The following TEX36 variants were observed in gnomAD, a reference collection of about 807,000 sequenced individuals.
The protein encoded by TEX36 is testis expressed 36.
Under a neutral mutation model 13.6 loss-of-function variants are expected in TEX36, and 12 were observed. The observed-to-expected ratio is 0.88, with a 90% CI of 0.56 to 1.43. TEX36 has a LOEUF of 1.43. Ranked by LOEUF, TEX36 falls within the 40% of genes most tolerant of loss-of-function variation. The pLI is 0.00. For missense variants in TEX36, 224 were observed against 228.3 expected, an observed-to-expected ratio of 0.98 and a Z score of 0.12; for synonymous variants, 93 against 83.0, an observed-to-expected ratio of 1.12 and a Z score of -0.65.
chr10:125,679,141 C>A (rs148243933), intron 1 of TEX36, among the ~76,000 whole-genome samples: 2 of 137,660 alleles, frequency 1.5e-5, no homozygotes, highest in South Asian at 2.4e-4. Flanking sequence ...CAGGAGCACC[C>A]CCCCCGCCCC....
At chr10:125,647,443 A>G (rs1846787651) in intron 3 of TEX36, among the ~76,000 whole-genome samples, 1 of 152,230 alleles carries the variant, frequency 6.6e-6, no homozygotes, top group Non-Finnish European at 1.5e-5. Context: ...TTTCCATTCA[A>G]TTTTTCTGTA....
At chr10:125,576,857 C>G in exon 4 of TEX36, 2 of 1,536,072 alleles carry the variant, frequency 1.3e-6, no homozygotes, top group Non-Finnish European at 1.7e-6. Context: ...CCTGTGGGTC[C>G]GTTGCTGTCA....
In TEX36 at chr10:125,656,193, G is replaced by GGCCC; in HGVS notation, c.265-1_267dup (p.Leu90GlyfsTer5). The stretch of plus-strand genomic sequence containing the variant: ...TCTGGAGAGATCTTCTTACGTCCCA[G>GGCCC]GCCCTGGAGAGAAGAATTACAAGAT... On this transcript the variant is annotated frameshift_variant, in exon 4 of 4. Coordinates refer to ENST00000368821, the MANE Select transcript of TEX36 (RefSeq NM_001128202.3). LOFTEE classifies it low-confidence loss of function (END_TRUNC). The GGCCC allele has an allele frequency of 1.4e-6, 2 of 1,455,964 alleles. No individual in the cohort carries two copies. Among genetic ancestry groups the GGCCC allele is most frequent in the Non-Finnish European group, 1.8e-6 (2 of 1,105,310 alleles). 90.2% of individuals were successfully genotyped at this position (1,455,964 alleles called of 1,614,324 possible). A position where few individuals can be genotyped will look rare whatever the true frequency, so the allele number is the denominator to read the frequency against.
At chr10:125,629,916 G>A (rs945480242) in intron 3 of TEX36, among the ~76,000 whole-genome samples, 16 of 152,084 alleles carry the variant, frequency 1.1e-4, no homozygotes, top group African/African-American at 3.4e-4. Flanking sequence ...AGATACCAGG[G>A]TTAGGTCTGA....
chr10:125,613,262 TTTA>T, intron 3 of TEX36, among the ~76,000 whole-genome samples: 1 of 142,958 alleles, frequency 7.0e-6, no homozygotes. Flanking sequence ...TATTTATTTA[TTTA>T]TTTATTTATT....
At chr10:125,586,652 A>T (rs1370887038) in intron 3 of TEX36, among the ~76,000 whole-genome samples, 228 of 150,714 alleles carry the variant, frequency 1.5e-3, no homozygotes, top group South Asian at 7.6e-3. Flanking sequence ...AAAAAAAAAA[A>T]AAAAATTAGC....
Position 125,661,848 on chromosome 10 carries a change from T to C in TEX36, c.181A>G (p.Lys61Glu), listed in dbSNP as rs941125430. ...KLPPIYKVRE[K>E]QAVNNQFPFS... ...AGTGGCCAGTGTTCAGGACTCACCT[T>C]CTCCCGGACTTTGTATATGGGCGGC... is the stretch of plus-strand genomic sequence containing the variant. The change falls in exon 2 of 4, where the codon AAG becomes GAG. Residue 61 changes from lysine to glutamate, a missense_variant and splice_region_variant. Coordinates refer to ENST00000368821, the MANE Select transcript of TEX36 (RefSeq NM_001128202.3). 17 of 1,551,688 alleles carry C rather than the reference T, an allele frequency of 1.1e-5. No homozygotes were observed. The highest frequency in any genetic ancestry group is 1.2e-5 in the Non-Finnish European group (14 of 1,147,006).
At chr10:125,610,467 C>T (rs529395071) in intron 3 of TEX36, among the ~76,000 whole-genome samples, 1 of 150,436 alleles carries the variant, frequency 6.6e-6, no homozygotes, top group African/African-American at 2.5e-5. Flanking sequence ...GACTCTCAGG[C>T]CCCACCCAAA....
At chr10:125,632,456 TCAGTAGA>T (rs1398039117) in intron 3 of TEX36, among the ~76,000 whole-genome samples, 2 of 152,150 alleles carry the variant, frequency 1.3e-5, no homozygotes, top group East Asian at 3.9e-4. Context: ...CTTGGAAGGT[TCAGTAGA>T]CTTAGCTGGA....
exon 4 of TEX36, chr10:125,576,857 C>T (rs1302213069): frequency 7.8e-6 from 12 of 1,535,954 alleles, no homozygotes; most frequent in Middle Eastern, 3.3e-4. Flanking sequence ...CCTGTGGGTC[C>T]GTTGCTGTCA....
At chr10:125,612,522 T>C (rs1846303559) in intron 3 of TEX36, among the ~76,000 whole-genome samples, 1 of 152,190 alleles carries the variant, frequency 6.6e-6, no homozygotes, top group Admixed American at 6.5e-5. Context: ...TACATATGTA[T>C]GTATATATAC....
intron 3 of TEX36, among the ~76,000 whole-genome samples, chr10:125,613,256 T>C (rs1846313427): frequency 2.1e-5 from 3 of 141,618 alleles, no homozygotes; most frequent in Admixed American, 1.4e-4. Flanking sequence ...TTTATTTATT[T>C]ATTTATTTAT....
Position 125,655,861 on chromosome 10 carries a change from A to G in TEX36, c.*39T>C. Reference sequence around the variant, plus strand: ...ATACTTTTAGGATGTCTGATGAAATACCAGTATTACAAAATTCATCAAAAA... The same window carrying G: ...ATACTTTTAGGATGTCTGATGAAATGCCAGTATTACAAAATTCATCAAAAA... On this transcript the variant is annotated 3_prime_UTR_variant, in exon 4 of 4. Transcript: ENST00000368821. 4 of 1,450,514 alleles carry G rather than the reference A, an allele frequency of 2.8e-6. No individual in the cohort carries two copies. The South Asian group carries it at 6.0e-5, about 22-fold the overall frequency. The allele number at this position is 1,450,514 out of a possible 1,614,324, so 89.9% of individuals were successfully genotyped here. A position where few individuals can be genotyped will look rare whatever the true frequency, so the allele number is the denominator to read the frequency against.
chr10:125,617,220 T>C (rs1279706904), downstream of TEX36, among the ~76,000 whole-genome samples: 4 of 151,836 alleles, frequency 2.6e-5, no homozygotes, highest in African/African-American at 9.7e-5. Context: ...AGCACACTGA[T>C]GGGTCTTGAC....
intron 3 of TEX36, chr10:125,621,746 G>C: frequency 2.3e-6 from 1 of 439,568 alleles, no homozygotes; most frequent in Non-Finnish European, 4.5e-6. Context: ...AAAGGCCCAA[G>C]AGCCCCCCAG....
At chr10:125,589,947 C>G (rs970739514) in intron 3 of TEX36, among the ~76,000 whole-genome samples, 2 of 152,170 alleles carry the variant, frequency 1.3e-5, no homozygotes, top group African/African-American at 2.4e-5. Flanking sequence ...CAATCTTCAT[C>G]TTTGAGCATC....
intron 3 of TEX36, among the ~76,000 whole-genome samples, chr10:125,579,776 T>C (rs1053392209): frequency 2.0e-5 from 3 of 152,064 alleles, no homozygotes; most frequent in African/African-American, 7.2e-5. Flanking sequence ...TCTCTGGCCA[T>C]GTAAGACATG....
At chr10:125,636,505 C>T (rs1160778692) in intron 3 of TEX36, among the ~76,000 whole-genome samples, 1 of 152,156 alleles carries the variant, frequency 6.6e-6, no homozygotes, top group East Asian at 1.9e-4. Flanking sequence ...TGAGCCACCA[C>T]GCCCAGCCTT....
intron 3 of TEX36, among the ~76,000 whole-genome samples, chr10:125,622,431 C>A (rs1327082778): frequency 6.6e-6 from 1 of 152,186 alleles, no homozygotes; most frequent in African/African-American, 2.4e-5. Context: ...TTCATTTCTA[C>A]AACTGGTCAC....
Sources: allele counts gnomAD v4.1 joint callset (sites outside exome capture counted in the v4.1 genomes callset), GRCh38; gene constraint gnomAD v4.1.1; transcripts MANE v1.5; gene names NCBI Gene and HGNC (gene_info 2026-07-23, HGNC 2026-07-21).